The following PAK6 variants were observed in gnomAD, a reference collection of about 807,000 sequenced individuals.
The protein encoded by PAK6 is serine/threonine-protein kinase PAK 6.
PAK6 carries 33 observed loss-of-function variants against 60.8 expected under a neutral mutation model. The ratio of observed to expected loss-of-function variants is 0.54; its 90% CI spans 0.41 to 0.73. The LOEUF (loss-of-function observed/expected upper bound fraction) is 0.73, where lower values mean the gene tolerates loss of function less well. Ranked by LOEUF, PAK6 falls within the 30% of genes least tolerant of loss-of-function variation. The pLI is 0.00. For missense variants in PAK6, 845 were observed against 904.1 expected (o/e 0.93, Z 0.84); for synonymous variants, 404 against 378.5 (o/e 1.07, Z -0.78).
At chr15:40,256,084 G>A (rs2038825601) in intron 3 of PAK6, among the ~76,000 whole-genome samples, 1 of 152,124 alleles carries the variant, frequency 6.6e-6, no homozygotes, top group Non-Finnish European at 1.5e-5. Context: ...TCCCAGCTGG[G>A]CACGGTGGTA....
At chr15:40,252,736 C>A in intron 2 of PAK6, 1 of 1,302,706 alleles carries the variant, frequency 7.7e-7, no homozygotes, top group Non-Finnish European at 1.0e-6. Flanking sequence ...AGAGGACGGG[C>A]CTCCCAACAC....
At chr15:40,264,937 A>C (rs1432956864) in exon 4 of PAK6, 1 of 1,613,744 alleles carries the variant, frequency 6.2e-7, no homozygotes, top group South Asian at 1.1e-5. Context: ...CGGCGCCCCA[A>C]GCCCGTGGTG....
intron 2 of PAK6, chr15:40,251,237 AGCTG>A (rs1405701744): frequency 6.6e-6 from 1 of 152,246 alleles, no homozygotes; most frequent in Non-Finnish European, 1.5e-5. Flanking sequence ...GGGTATGGTT[AGCTG>A]GCTGGCTCCC....
exon 6 of PAK6, chr15:40,272,519 T>G (rs1359186065): frequency 6.2e-7 from 1 of 1,613,774 alleles, no homozygotes; most frequent in Admixed American, 1.7e-5. Context: ...ACAGGTGTTG[T>G]GACACATGAG....
At chr15:40,239,071 T>G (rs1392680266), upstream of PAK6, 1 of 152,184 alleles carries the variant, frequency 6.6e-6, no homozygotes, top group Non-Finnish European at 1.5e-5. Flanking sequence ...CCAAGCAACG[T>G]TGGAGCAGCT....
chr15:40,266,222 G>C lies in PAK6; in HGVS notation c.585G>C (p.Leu195=), dbSNP rs371505679. The stretch of plus-strand genomic sequence containing the variant: ...GTGCCTCGCAGCGCTGTCTGCAGCT[G>C]GGTGCCTGCCTGCAGAGCTCCCCAC... The change falls in exon 5 of 11, where the codon CTG becomes CTC. Residue 195 remains leucine, a synonymous_variant. Coordinates refer to ENST00000560346, the Ensembl canonical transcript of PAK6. 11 of 1,609,980 alleles carry C rather than the reference G, an allele frequency of 6.8e-6. No homozygotes were observed. In the African/African-American group the frequency reaches 1.5e-4, roughly 21 times the overall value.
At position 40,247,885 on chromosome 15, in the gene PAK6, G is replaced by C. The variant is rs1270003360; in HGVS notation, c.-117-5293G>C. 2.6e-5 allele frequency among the ~76,000 whole-genome samples: 4 copies of C among 152,178 alleles called. No homozygotes were observed. In the South Asian group the frequency reaches 6.2e-4, roughly 24 times the overall value. ...CCATGGCACATCAAACCAAGCTCCA[G>C]TGTGCATGCCCAGGGTCGGGGAGGG... On this transcript the variant is annotated intron_variant, in intron 2 of 10. Transcript: ENST00000560346.
At chr15:40,267,188 A>G (rs2039165863) in intron 5 of PAK6, among the ~76,000 whole-genome samples, 2 of 149,646 alleles carry the variant, frequency 1.3e-5, no homozygotes, top group Admixed American at 1.3e-4. Context: ...ACGGCTGCTG[A>G]CAGTGGCATG....
At chr15:40,240,564 T>TC (rs1482197973) in intron 1 of PAK6, 35 bp from the exon 2 acceptor site, 1 of 346,806 alleles carries the variant, frequency 2.9e-6, no homozygotes, top group Non-Finnish European at 5.5e-6. Context: ...TTCTTTTCCT[T>TC]TTTTTTTTTT....
chr15:40,269,346 TG>T (rs2039237605), intron 5 of PAK6, among the ~76,000 whole-genome samples: 1 of 152,086 alleles, frequency 6.6e-6, no homozygotes, highest in Admixed American at 6.5e-5. Context: ...AAAAATATTA[TG>T]CCATGGCCTC....
At chr15:40,275,279 G>GTTTT (rs1491294097) in intron 10 of PAK6, among the ~76,000 whole-genome samples, 2 of 13,712 alleles carry the variant, frequency 1.5e-4, no homozygotes, top group African/African-American at 3.7e-4. Flanking sequence ...TGTTGTTGTT[G>GTTTT]GTTTTTTTTT....
intron 2 of PAK6, among the ~76,000 whole-genome samples, chr15:40,241,460 TCATCTA>T (rs2038333106): frequency 2.6e-5 from 1 of 38,720 alleles, no homozygotes; most frequent in African/African-American, 1.2e-4. Flanking sequence ...CCACGGGAGC[TCATCTA>T]GCTGGGGTTG....
intron 2 of PAK6, among the ~76,000 whole-genome samples, chr15:40,248,371 C>T (rs914064524): frequency 2.0e-4 from 30 of 152,186 alleles, no homozygotes; most frequent in Admixed American, 3.9e-4. Flanking sequence ...GATTTTCTCC[C>T]AAGAGTGCCT....
intron 5 of PAK6, 58 bp from the exon 6 acceptor site, chr15:40,272,166 G>A (rs2039322282): frequency 1.3e-6 from 2 of 1,550,266 alleles, no homozygotes; most frequent in African/African-American, 2.7e-5. Context: ...CTGCCTCCGG[G>A]AAGGTTATTC....
chr15:40,274,379 G>C (rs1005748901), intron 10 of PAK6, 103 bp downstream of exon 10: 1 of 1,260,664 alleles, frequency 7.9e-7, no homozygotes, highest in Admixed American at 2.5e-5. Context: ...GAAGCCACAG[G>C]GTCTGGGCTC....
chr15:40,252,632 C>T (rs1251794927), intron 2 of PAK6: 1 of 1,337,130 alleles, frequency 7.5e-7, no homozygotes, highest in South Asian at 1.2e-5. Flanking sequence ...GTCCCTCCCG[C>T]GGAGGGCGGG....
chr15:40,246,104 G>A (rs1294824828), intron 2 of PAK6: 2 of 152,270 alleles, frequency 1.3e-5, no homozygotes, highest in Non-Finnish European at 2.9e-5. Context: ...CTCTGTTGAA[G>A]AGATCTAACT....
chr15:40,245,742 C>T (rs1018191199), intron 2 of PAK6: 4 of 152,356 alleles, frequency 2.6e-5, no homozygotes, highest in African/African-American at 9.7e-5. Flanking sequence ...CCTGAGGCCA[C>T]ACAGCTAACT....
chr15:40,268,461 C>G (rs2039208524), intron 5 of PAK6, among the ~76,000 whole-genome samples: 1 of 152,204 alleles, frequency 6.6e-6, no homozygotes, highest in Non-Finnish European at 1.5e-5. Flanking sequence ...TAAGCAAATT[C>G]AATAACAGAT....
Sources: allele counts gnomAD v4.1 joint callset (sites outside exome capture counted in the v4.1 genomes callset), GRCh38; gene constraint gnomAD v4.1.1; transcripts MANE v1.5; gene names NCBI Gene and HGNC (gene_info 2026-07-23, HGNC 2026-07-21).